Variants in FYB1 observed in about 807,000 individuals in gnomAD.
The protein encoded by FYB1 is FYN binding protein 1, also known as FYN-binding protein 1.
A neutral mutation model predicts 94.1 loss-of-function variants in FYB1; 41 were observed. The observed-to-expected ratio is 0.44, with a 90% CI of 0.34 to 0.57. FYB1 has a LOEUF of 0.57. Among genes scored for constraint, FYB1 ranks in the 20% least tolerant of loss-of-function variants. FYB1 has a pLI of 0.02. For synonymous variants in FYB1, 367 were observed against 353.2 expected, an observed-to-expected ratio of 1.04 and a Z score of -0.44; for missense variants, 1,050 against 976.8, an observed-to-expected ratio of 1.07 and a Z score of -1.00.
chr5:39,219,379 CT>C, intron 1 of FYB1, 63 bp downstream of exon 1: 1 of 955,154 alleles, frequency 1.0e-6, no homozygotes, highest in African/African-American at 1.8e-5. Flanking sequence ...GGAAGTGGTG[CT>C]TTTTTCCTGC....
At chr5:39,177,407 A>C (rs888446758) in intron 2 of FYB1, among the ~76,000 whole-genome samples, 5 of 152,194 alleles carry the variant, frequency 3.3e-5, no homozygotes, top group African/African-American at 1.2e-4. Context: ...GGTCTAATTC[A>C]ACCTTCACAT....
At position 39,196,144 on chromosome 5, in the gene FYB1, G is replaced by A. The variant is rs1161460747; in HGVS notation, c.1135+5682C>T. Among the ~76,000 whole-genome samples the A allele has an allele frequency of 4.0e-5, 6 of 150,876 alleles. 1 individual carries two copies. The South Asian group carries it at 1.0e-3, about 26-fold the overall frequency. ...GTTAAAACAATTGCTAAGCTATAGA[G>A]TATTAAAATCTAATACTGAACAAAA... On this transcript the variant is annotated intron_variant, in intron 2 of 18. Coordinates refer to ENST00000512982, the MANE Select transcript of FYB1 (RefSeq NM_001465.6).
intron 1 of FYB1, chr5:39,208,965 C>G (rs1031243361): frequency 4.6e-5 from 7 of 151,996 alleles, no homozygotes; most frequent in African/African-American, 1.5e-4. Context: ...TTTGCATCGC[C>G]TAGATTAAAG....
chr5:39,130,542 A>G (rs758222236), intron 10 of FYB1, 48 bp downstream of exon 10: 2 of 1,435,872 alleles, frequency 1.4e-6, no homozygotes, highest in Non-Finnish European at 1.9e-6. Flanking sequence ...ATACATGCCA[A>G]TATATGTATC....
At chr5:39,204,853 CTTTAA>C (rs2150505701) in intron 1 of FYB1, among the ~76,000 whole-genome samples, 1 of 152,302 alleles carries the variant, frequency 6.6e-6, no homozygotes, top group African/African-American at 2.4e-5. Context: ...AATTTTGTAA[CTTTAA>C]TTTACCTCCC....
At chr5:39,267,574 A>T (rs534574425) in intron 1 of FYB1, among the ~76,000 whole-genome samples, 2 of 152,340 alleles carry the variant, frequency 1.3e-5, no homozygotes, top group Middle Eastern at 3.4e-3. Context: ...AATATGCTAC[A>T]TGGCTTTCTG....
chr5:39,263,971 C>T (rs1029273641), intron 1 of FYB1, among the ~76,000 whole-genome samples: 4 of 152,048 alleles, frequency 2.6e-5, no homozygotes, highest in African/African-American at 4.8e-5. Context: ...TGTTTGTGTC[C>T]CTCCAAAATT....
At chr5:39,108,949 A>T (rs365862) in intron 17 of FYB1, among the ~76,000 whole-genome samples, 110,911 of 152,016 alleles carry the variant, frequency 0.73, 41,007 homozygotes, top group South Asian at 0.82. Context: ...CCAGGAGACA[A>T]AAATTTGAGT....
At chr5:39,269,209 C>T (rs1285230602) in intron 1 of FYB1, among the ~76,000 whole-genome samples, 1 of 152,144 alleles carries the variant, frequency 6.6e-6, no homozygotes, top group Admixed American at 6.5e-5. Flanking sequence ...ACCACGATGC[C>T]CAGCTAATTT....
upstream of FYB1, among the ~76,000 whole-genome samples, chr5:39,221,342 C>A (rs1425190865): frequency 6.6e-6 from 1 of 152,204 alleles, no homozygotes; most frequent in Non-Finnish European, 1.5e-5. Context: ...CCCATCTTCA[C>A]TGGATTTTGC....
At chr5:39,203,212 A>G (rs1039621943) in intron 1 of FYB1, among the ~76,000 whole-genome samples, 2 of 152,154 alleles carry the variant, frequency 1.3e-5, no homozygotes, top group Non-Finnish European at 2.9e-5. Flanking sequence ...CTTATCTCGG[A>G]CTGACTTGCT....
At chr5:39,264,517 G>A (rs1032498063) in intron 1 of FYB1, among the ~76,000 whole-genome samples, 14 of 152,174 alleles carry the variant, frequency 9.2e-5, no homozygotes, top group Non-Finnish European at 1.8e-4. Flanking sequence ...GTTCCATAAA[G>A]CCATCTCTTG....
chr5:39,260,764 C>T (rs185114619), intron 1 of FYB1, among the ~76,000 whole-genome samples: 1 of 152,014 alleles, frequency 6.6e-6, no homozygotes, highest in Non-Finnish European at 1.5e-5. Flanking sequence ...CTGTATACAT[C>T]GTAGTGTATA....
chr5:39,240,012 A>C (rs1751134990), intron 1 of FYB1, among the ~76,000 whole-genome samples: 1 of 152,186 alleles, frequency 6.6e-6, no homozygotes, highest in Admixed American at 6.6e-5. Context: ...AAAGCCCTGA[A>C]GTAAAGCTGC....
intron 2 of FYB1, among the ~76,000 whole-genome samples, chr5:39,201,544 G>A (rs751177069): frequency 1.1e-4 from 16 of 152,072 alleles, no homozygotes; most frequent in Admixed American, 6.6e-5. Flanking sequence ...AAATACAATG[G>A]TTATCATTAA....
intron 16 of FYB1, among the ~76,000 whole-genome samples, chr5:39,115,696 A>G (rs2150269142): frequency 6.6e-6 from 1 of 152,234 alleles, no homozygotes. Context: ...AAAAATTAAG[A>G]ATGTCAAGGA....
chr5:39,188,907 A>G (rs1747102571), intron 2 of FYB1, among the ~76,000 whole-genome samples: 1 of 152,168 alleles, frequency 6.6e-6, no homozygotes, highest in African/African-American at 2.4e-5. Context: ...TAGCTATTCC[A>G]ATTCCTGAGT....
chr5:39,144,989 T>C (rs1393520979), intron 3 of FYB1, among the ~76,000 whole-genome samples: 1 of 152,178 alleles, frequency 6.6e-6, no homozygotes, highest in Non-Finnish European at 1.5e-5. Flanking sequence ...ACTACTGAAA[T>C]ATTTATAGAT....
At position 39,243,216 on chromosome 5, in the gene FYB1, A is replaced by G. The variant is rs1414605096; in HGVS notation, c.-28+31187T>C. Among the ~76,000 whole-genome samples, 414 of 152,010 alleles carry G rather than the reference A, an allele frequency of 2.7e-3. 2 individuals carry two copies. Among genetic ancestry groups the G allele is most frequent in the Middle Eastern group, 0.01 (3 of 294 alleles). ...TGTTTTAGACATGAAGTCCTTGCCC[A>G]TGCCTATGTCCTGAATGGTATTGCT... On this transcript the variant is annotated intron_variant, in intron 1 of 1. Coordinates refer to the FYB1 transcript ENST00000510188.
Sources: allele counts gnomAD v4.1 joint callset (sites outside exome capture counted in the v4.1 genomes callset), GRCh38; gene constraint gnomAD v4.1.1; transcripts MANE v1.5; gene names NCBI Gene and HGNC (gene_info 2026-07-23, HGNC 2026-07-21).